DPP10: variants seen among roughly 807,000 people sequenced by gnomAD.
DPP10 encodes the protein inactive dipeptidyl peptidase 10.
A neutral mutation model predicts 120.9 loss-of-function variants in DPP10; 33 were observed. That is an observed-to-expected ratio of 0.27 (90% CI 0.21 to 0.37). The LOEUF (loss-of-function observed/expected upper bound fraction) is 0.37. DPP10 is among the 10% of genes least tolerant of loss of function. The pLI, the probability that DPP10 is intolerant of heterozygous loss-of-function variation, is 1.00. For synonymous variants in DPP10, 337 were observed against 326.1 expected, an observed-to-expected ratio of 1.03 and a Z score of -0.36; for missense variants, 816 against 942.8, an observed-to-expected ratio of 0.87 and a Z score of 1.76.
At chr2:115,715,826 T>A (rs887297669) in intron 7 of DPP10, among the ~76,000 whole-genome samples, 2 of 152,242 alleles carry the variant, frequency 1.3e-5, no homozygotes, top group African/African-American at 2.4e-5. Flanking sequence ...TTTCTTTAAA[T>A]GATATGAAAC....
chr2:115,638,256 A>C (rs765294466), intron 5 of DPP10, among the ~76,000 whole-genome samples: 15 of 152,136 alleles, frequency 9.9e-5, no homozygotes, highest in Non-Finnish European at 1.5e-4. Context: ...ATTTACTAAA[A>C]CTGTGCTTGA....
intron 4 of DPP10, among the ~76,000 whole-genome samples, chr2:115,514,162 A>G (rs1188055315): frequency 6.6e-6 from 1 of 151,796 alleles, no homozygotes; most frequent in African/African-American, 2.4e-5. Flanking sequence ...ATGTGATGTT[A>G]TGTTTTTAGT....
intron 1 of DPP10, among the ~76,000 whole-genome samples, chr2:114,444,926 A>T (rs370228050): frequency 6.6e-6 from 1 of 152,176 alleles, no homozygotes; most frequent in East Asian, 1.9e-4. Context: ...CAATAGTGAA[A>T]AGGGATGAGT....
chr2:115,573,505 A>G (rs2081465764), intron 5 of DPP10, among the ~76,000 whole-genome samples: 1 of 149,184 alleles, frequency 6.7e-6, no homozygotes, highest in African/African-American at 2.5e-5. Flanking sequence ...GTTGGTCTCG[A>G]TCTCCTGACC....
intron 1 of DPP10, among the ~76,000 whole-genome samples, chr2:115,230,673 T>C (rs929294979): frequency 1.3e-5 from 2 of 152,078 alleles, no homozygotes; most frequent in African/African-American, 4.8e-5. Flanking sequence ...CTTTAGAAAA[T>C]ATTCTATTAA....
intron 1 of DPP10, among the ~76,000 whole-genome samples, chr2:114,630,397 C>A (rs1694832194): frequency 6.6e-6 from 1 of 152,004 alleles, no homozygotes; most frequent in South Asian, 2.1e-4. Flanking sequence ...ATAATTCCAA[C>A]GTTATAGGAC....
rs375068752 is a variant in DPP10 at position 115,515,258 on chromosome 2, CAAAG to C, written c.367-10635_367-10632del. Among the ~76,000 whole-genome samples the C allele has an allele frequency of 9.2e-5, 14 of 151,930 alleles. No individual in the cohort carries two copies. In the East Asian group the frequency reaches 2.7e-3, roughly 29 times the overall value. On this transcript the variant is annotated intron_variant, in intron 4 of 25. Transcript: ENST00000410059. Reference sequence around the variant, plus strand: ...AATATATTCCAGTGTATTGGTGAGTCAAAGAAAGTTTATATTGCAATTTATTAGA... The same window carrying C: ...AATATATTCCAGTGTATTGGTGAGTCAAAGTTTATATTGCAATTTATTAGA...
intron 1 of DPP10, among the ~76,000 whole-genome samples, chr2:114,541,139 C>A (rs76955188): frequency 0.031 from 4,669 of 152,248 alleles, 195 homozygotes; most frequent in African/African-American, 0.1. Context: ...GTTGTGATTT[C>A]CGATGGGGGC....
At chr2:114,459,023 T>G (rs1678727095) in intron 1 of DPP10, among the ~76,000 whole-genome samples, 1 of 152,202 alleles carries the variant, frequency 6.6e-6, no homozygotes, top group African/African-American at 2.4e-5. Flanking sequence ...TTTACTATAT[T>G]CCTAACATGG....
chr2:115,079,601 T>C (rs1708098533), intron 1 of DPP10, among the ~76,000 whole-genome samples: 2 of 152,014 alleles, frequency 1.3e-5, no homozygotes, highest in South Asian at 4.2e-4. Flanking sequence ...AATTGGTGCA[T>C]ACTGGGGCTG....
intron 5 of DPP10, among the ~76,000 whole-genome samples, chr2:115,612,218 A>G (rs1405057070): frequency 2.0e-5 from 3 of 152,130 alleles, no homozygotes; most frequent in Non-Finnish European, 4.4e-5. Flanking sequence ...CACCAAATTA[A>G]CATCTTGAGG....
chr2:114,470,695 C>A (rs1366874897), intron 1 of DPP10, among the ~76,000 whole-genome samples: 1 of 152,186 alleles, frequency 6.6e-6, no homozygotes, highest in African/African-American at 2.4e-5. Context: ...CATGTATGTG[C>A]TATCTTTTCT....
intron 1 of DPP10, among the ~76,000 whole-genome samples, chr2:115,229,521 T>G (rs1206205318): frequency 6.6e-6 from 1 of 152,150 alleles, no homozygotes; most frequent in Non-Finnish European, 1.5e-5. Flanking sequence ...GTTTGAGGTC[T>G]TAGATTTTAG....
intron 5 of DPP10, among the ~76,000 whole-genome samples, chr2:115,599,015 T>C (rs1225649765): frequency 6.6e-6 from 1 of 152,008 alleles, no homozygotes; most frequent in Non-Finnish European, 1.5e-5. Context: ...CTCTCTTTTG[T>C]TCTTCATGGG....
At position 115,040,323 on chromosome 2, in the gene DPP10, A is replaced by G. The variant is rs188682121; in HGVS notation, c.61-268916A>G. ...TAAAGTCCTTCTTCATATCCTATTT[A>G]TTTAACCCTCCTCAGAGTTAGCAGG... On this transcript the variant is annotated intron_variant, in intron 1 of 25. Coordinates refer to ENST00000410059, the MANE Select transcript of DPP10 (RefSeq NM_020868.6). 1.0e-3 allele frequency among the ~76,000 whole-genome samples: 156 copies of G among 152,066 alleles called. 2 individuals carry two copies. Among genetic ancestry groups the G allele is most frequent in the African/African-American group, 3.6e-3 (150 of 41,504 alleles).
intron 3 of DPP10, among the ~76,000 whole-genome samples, chr2:115,436,947 A>G (rs1381464696): frequency 6.6e-6 from 1 of 151,976 alleles, no homozygotes; most frequent in Non-Finnish European, 1.5e-5. Flanking sequence ...GTCTAACAGT[A>G]TGTAAGATAC....
rs375575482 is a variant in DPP10 at position 115,768,255 on chromosome 2, A to G, written c.1114-42A>G. 10 of 1,557,682 alleles carry G rather than the reference A, an allele frequency of 6.4e-6. No homozygotes were observed. In the South Asian group the frequency reaches 1.1e-4, roughly 17 times the overall value. ...AACAGTAGTAGGCAGCACAGATTGC[A>G]TGTGCCTTTCTGAGATTGTTCTGTG... On this transcript the variant is annotated intron_variant, in intron 12 of 25. Transcript: ENST00000410059.
chr2:115,544,014 C>T (rs542897636), intron 5 of DPP10, among the ~76,000 whole-genome samples: 126 of 151,172 alleles, frequency 8.3e-4, no homozygotes, highest in African/African-American at 2.9e-3. Flanking sequence ...TCTTCCCTTC[C>T]GCTGTACAGG....
rs188759304 is a variant in DPP10 at position 115,402,206 on chromosome 2, A to G, written c.271+58294A>G. 2.2e-4 allele frequency among the ~76,000 whole-genome samples: 33 copies of G among 152,276 alleles called. No individual in the cohort carries two copies. The East Asian group carries it at 6.2e-3, about 29-fold the overall frequency. Reference sequence around the variant, plus strand: ...GAATTCTCCTGGACCCACAGTTTCTACAGTTGGGAAAGTTAGTTGGAAGCA... The same window carrying G: ...GAATTCTCCTGGACCCACAGTTTCTGCAGTTGGGAAAGTTAGTTGGAAGCA... On this transcript the variant is annotated intron_variant, in intron 3 of 25. Coordinates refer to ENST00000410059, the MANE Select transcript of DPP10 (RefSeq NM_020868.6).
Sources: allele counts gnomAD v4.1 joint callset (sites outside exome capture counted in the v4.1 genomes callset), GRCh38; gene constraint gnomAD v4.1.1; transcripts MANE v1.5; gene names NCBI Gene and HGNC (gene_info 2026-07-23, HGNC 2026-07-21).